Variants in ARHGEF11 observed in about 807,000 individuals in gnomAD.
ARHGEF11 encodes the protein Rho guanine exchange factor (GEF) 11.
In ARHGEF11, 55 loss-of-function variants were observed where a neutral mutation model predicts 193.7. The ratio of observed to expected loss-of-function variants is 0.28; its 90% CI spans 0.23 to 0.36. ARHGEF11 has a LOEUF of 0.36. Ranked by LOEUF, ARHGEF11 falls within the 10% of genes least tolerant of loss-of-function variation. The pLI is 1.00. For missense variants in ARHGEF11, 1,723 were observed against 2,005.6 expected, an observed-to-expected ratio of 0.86 and a Z score of 2.69; for synonymous variants, 693 against 768.0, an observed-to-expected ratio of 0.90 and a Z score of 1.62.
chr1:157,046,322 CTT>C, upstream of ARHGEF11, among the ~76,000 whole-genome samples: 1 of 152,192 alleles, frequency 6.6e-6, no homozygotes, highest in Non-Finnish European at 1.5e-5. Flanking sequence ...GGGAGCCGAC[CTT>C]TGTTTCCTAC....
chr1:156,947,760 C>T lies in ARHGEF11; in HGVS notation c.2341+9G>A, dbSNP rs749799501. Reference sequence around the variant, plus strand: ...GAGCGGAGCTGGGGGCAGTGGAGCACGTTCTCACCATTGATGACCTCTTGC... The same window carrying T: ...GAGCGGAGCTGGGGGCAGTGGAGCATGTTCTCACCATTGATGACCTCTTGC... On this transcript the variant is annotated intron_variant, in intron 25 of 40. Coordinates refer to ENST00000368194, the MANE Select transcript of ARHGEF11 (RefSeq NM_198236.3). 1.9e-6 allele frequency: 3 copies of T among 1,612,116 alleles called. No homozygotes were observed. The highest frequency in any genetic ancestry group is 1.1e-5 in the South Asian group (1 of 90,960).
chr1:156,991,102 G>A (rs1665629774), intron 1 of ARHGEF11, among the ~76,000 whole-genome samples: 1 of 151,994 alleles, frequency 6.6e-6, no homozygotes, highest in Non-Finnish European at 1.5e-5. Flanking sequence ...TTCTCATATT[G>A]AGAACCCCGT....
chr1:156,968,212 A>C, intron 10 of ARHGEF11, 88 bp from the exon 11 acceptor site: 1 of 1,441,874 alleles, frequency 6.9e-7, no homozygotes, highest in Non-Finnish European at 9.4e-7. Flanking sequence ...TGATAACCAT[A>C]CTTATAACAT....
At position 156,946,682 on chromosome 1, in the gene ARHGEF11, G is replaced by C; in HGVS notation, c.2674C>G (p.Arg892Gly). 6.2e-7 allele frequency: 1 copy of C among 1,614,170 alleles called. No individual in the cohort carries two copies. Among genetic ancestry groups the C allele is most frequent in the Non-Finnish European group, 8.5e-7 (1 of 1,180,042 alleles). ...CGCACCTGCATGAAGAGCTGGAATC[G>C]ACTCTCCTTGCGTTGCTTGGTCTTG... ...LIKTKQRKES[R>G]FQLFMQEAES... Residue 892 changes from arginine (R) to glycine (G), a missense_variant, in exon 28 of 41, where the codon CGA becomes GGA. Transcript: ENST00000368194.
At chr1:156,997,075 C>T (rs377697186) in intron 1 of ARHGEF11, among the ~76,000 whole-genome samples, 1 of 151,404 alleles carries the variant, frequency 6.6e-6, no homozygotes, top group African/African-American at 2.4e-5. Context: ...CCCTTTGTTG[C>T]CAAGGCTGGT....
chr1:156,995,344 C>G (rs370169618), intron 1 of ARHGEF11, among the ~76,000 whole-genome samples: 36 of 152,108 alleles, frequency 2.4e-4, no homozygotes, highest in African/African-American at 7.0e-4. Flanking sequence ...TATCTGGTCA[C>G]CCTCCCTCTC....
chr1:157,021,798 C>T (rs1003870079), intron 1 of ARHGEF11, among the ~76,000 whole-genome samples: 1 of 152,162 alleles, frequency 6.6e-6, no homozygotes, highest in African/African-American at 2.4e-5. Flanking sequence ...CAAAAATCCT[C>T]ATCAAAATAT....
chr1:156,979,151 C>G (rs1475754856), intron 5 of ARHGEF11, 78 bp downstream of exon 5: 1 of 1,386,716 alleles, frequency 7.2e-7, no homozygotes, highest in East Asian at 2.3e-5. Context: ...GAATGCCAGG[C>G]CTGACCTTTC....
At chr1:156,983,234 T>C (rs916581642) in intron 3 of ARHGEF11, among the ~76,000 whole-genome samples, 7 of 150,572 alleles carry the variant, frequency 4.6e-5, no homozygotes, top group Non-Finnish European at 7.4e-5. Context: ...TTTTGTTTTT[T>C]GTTTTTGAGA....
At chr1:156,967,306 G>C (rs1661804800) in intron 11 of ARHGEF11, among the ~76,000 whole-genome samples, 1 of 152,210 alleles carries the variant, frequency 6.6e-6, no homozygotes, top group Non-Finnish European at 1.5e-5. Context: ...AACAACGTCT[G>C]AACGTTGTTA....
intron 7 of ARHGEF11, among the ~76,000 whole-genome samples, chr1:156,973,228 C>T (rs943621655): frequency 6.6e-6 from 1 of 152,174 alleles, no homozygotes; most frequent in African/African-American, 2.4e-5. Context: ...ATGCCCAGCC[C>T]ACAGCCAAAT....
chr1:157,034,202 A>AT (rs1194650506), intron 1 of ARHGEF11, among the ~76,000 whole-genome samples: 1 of 151,914 alleles, frequency 6.6e-6, no homozygotes, highest in African/African-American at 2.4e-5. Context: ...TCACATAGCT[A>AT]TTTACTACAC....
chr1:156,974,505 A>G (rs1662985496), intron 7 of ARHGEF11, among the ~76,000 whole-genome samples: 1 of 152,222 alleles, frequency 6.6e-6, no homozygotes, highest in African/African-American at 2.4e-5. Context: ...TTAAATTGCT[A>G]TAGAGCTGTA....
At chr1:157,037,875 T>C (rs1171734410) in intron 1 of ARHGEF11, among the ~76,000 whole-genome samples, 2 of 151,408 alleles carry the variant, frequency 1.3e-5, no homozygotes, top group Non-Finnish European at 2.9e-5. Context: ...CTACTAAAAA[T>C]ACAAAAAGTA....
At chr1:156,955,062 G>A (rs966188073) in intron 20 of ARHGEF11, 141 bp from the exon 21 acceptor site, 11 of 712,500 alleles carry the variant, frequency 1.5e-5, no homozygotes, top group East Asian at 8.1e-5. Flanking sequence ...ATCTCTTTCC[G>A]TTTCCTGCAA....
intron 34 of ARHGEF11, 47 bp downstream of exon 34, chr1:156,941,817 G>A (rs762472720): frequency 1.4e-5 from 22 of 1,556,712 alleles, no homozygotes; most frequent in Non-Finnish European, 1.9e-5. Context: ...GGAAACAGGA[G>A]GTTTGGAGTG....
chr1:156,941,474 T>A, intron 34 of ARHGEF11, 41 bp from the exon 35 acceptor site: 1 of 1,591,112 alleles, frequency 6.3e-7, no homozygotes, highest in Admixed American at 1.7e-5. Flanking sequence ...CCCATGAGAT[T>A]CCACCCTGGA....
chr1:156,981,955 G>A (rs965995904), intron 3 of ARHGEF11, among the ~76,000 whole-genome samples: 2 of 152,110 alleles, frequency 1.3e-5, no homozygotes, highest in African/African-American at 4.8e-5. Context: ...CTCCCACAAA[G>A]CCCATCTAAA....
At chr1:156,964,736 T>G (rs1336813526) in intron 11 of ARHGEF11, among the ~76,000 whole-genome samples, 3 of 152,178 alleles carry the variant, frequency 2.0e-5, no homozygotes, top group Non-Finnish European at 2.9e-5. Context: ...GAATCAGGCC[T>G]GATGTGCTGT....
Sources: gnomAD v4.1 joint callset for allele counts (sites outside exome capture counted in the v4.1 genomes callset) on GRCh38, gnomAD v4.1.1 for gene constraint, MANE v1.5 for transcripts, NCBI Gene and HGNC (gene_info 2026-07-23, HGNC 2026-07-21) for gene names.